The following FBXL20 variants were observed in gnomAD, a reference collection of about 807,000 sequenced individuals.
The protein encoded by FBXL20 is F-box and leucine rich repeat protein 20.
FBXL20 carries 11 observed loss-of-function variants against 64.0 expected under a neutral mutation model. The observed-to-expected ratio is 0.17, with a 90% CI of 0.11 to 0.28. The LOEUF (loss-of-function observed/expected upper bound fraction) is 0.28. Ranked by LOEUF, FBXL20 falls within the 10% of genes least tolerant of loss-of-function variation. The pLI is 1.00. For missense variants in FBXL20, 303 were observed against 526.2 expected, an observed-to-expected ratio of 0.58 and a Z score of 4.15; for synonymous variants, 184 against 189.0, an observed-to-expected ratio of 0.97 and a Z score of 0.22.
At chr17:39,333,795 C>T (rs1465080562) in intron 2 of FBXL20, among the ~76,000 whole-genome samples, 14 of 151,442 alleles carry the variant, frequency 9.2e-5, no homozygotes, top group African/African-American at 3.2e-4. Context: ...TGCCCGGCCG[C>T]GACCCCGTCT....
At position 39,262,704 on chromosome 17, in the gene FBXL20, A is replaced by T. The variant is rs1018473826; in HGVS notation, c.1204-1137T>A. 2.6e-5 allele frequency among the ~76,000 whole-genome samples: 4 copies of T among 151,930 alleles called. No homozygotes were observed. The South Asian group carries it at 6.2e-4, about 24-fold the overall frequency. On this transcript the variant is annotated intron_variant, in intron 14 of 14. Transcript: ENST00000264658. ...ACACACAGATTCATCCAGCTTTTTAAAACTTCTTTTTCGGCCGGGCGCAGT... is the reference window on the plus strand; with the variant it reads ...ACACACAGATTCATCCAGCTTTTTATAACTTCTTTTTCGGCCGGGCGCAGT...
intron 7 of FBXL20, among the ~76,000 whole-genome samples, chr17:39,284,591 G>A (rs1269596335): frequency 6.6e-6 from 1 of 151,662 alleles, no homozygotes; most frequent in African/African-American, 2.4e-5. Context: ...CCTATGTTGC[G>A]CAGGCTGGTC....
intron 1 of FBXL20, among the ~76,000 whole-genome samples, chr17:39,399,575 A>G (rs1213122456): frequency 6.6e-6 from 1 of 152,180 alleles, no homozygotes; most frequent in Admixed American, 6.5e-5. Flanking sequence ...TAGTTTATAA[A>G]CAAACACTTA....
intron 7 of FBXL20, 68 bp from the exon 8 acceptor site, chr17:39,282,923 T>G: frequency 6.4e-7 from 1 of 1,571,234 alleles, no homozygotes; most frequent in Non-Finnish European, 8.7e-7. Context: ...ACGTCTCAAT[T>G]TATTGGCTAT....
intron 1 of FBXL20, among the ~76,000 whole-genome samples, chr17:39,351,909 G>A (rs2047690823): frequency 6.6e-6 from 1 of 152,176 alleles, no homozygotes; most frequent in Non-Finnish European, 1.5e-5. Flanking sequence ...ATAATATACT[G>A]TTGGTTTGTA....
intron 6 of FBXL20, among the ~76,000 whole-genome samples, chr17:39,292,226 T>C (rs1199297539): frequency 1.3e-5 from 2 of 150,648 alleles, no homozygotes; most frequent in Non-Finnish European, 2.9e-5. Context: ...CTTTTTTTCA[T>C]CTAATTTTTT....
chr17:39,286,583 G>A (rs1269815165), intron 6 of FBXL20, among the ~76,000 whole-genome samples: 3 of 152,222 alleles, frequency 2.0e-5, no homozygotes, highest in Admixed American at 2.0e-4. Context: ...TGGATCACCT[G>A]AGGTCAGGAG....
intron 11 of FBXL20, among the ~76,000 whole-genome samples, chr17:39,269,626 G>A (rs1398944541): frequency 6.6e-6 from 1 of 151,542 alleles, no homozygotes; most frequent in Non-Finnish European, 1.5e-5. Flanking sequence ...AGCCTCCCAA[G>A]TAGCTGGGAT....
chr17:39,310,348 T>C (rs1335388829), intron 2 of FBXL20, among the ~76,000 whole-genome samples: 1 of 151,942 alleles, frequency 6.6e-6, no homozygotes, highest in Non-Finnish European at 1.5e-5. Context: ...ATGCAATCCA[T>C]GACGTAGCAT....
intron 2 of FBXL20, among the ~76,000 whole-genome samples, chr17:39,310,153 T>G: frequency 7.4e-6 from 1 of 134,714 alleles, no homozygotes; most frequent in Admixed American, 7.6e-5. Context: ...TCTACAAATT[T>G]AAAAAAAAAA....
At chr17:39,373,679 G>A (rs954090976) in intron 1 of FBXL20, among the ~76,000 whole-genome samples, 2 of 152,092 alleles carry the variant, frequency 1.3e-5, no homozygotes, top group East Asian at 3.9e-4. Context: ...TTATAGTTCT[G>A]TTACAAAGCT....
chr17:39,331,997 T>C (rs2047465828), intron 2 of FBXL20, among the ~76,000 whole-genome samples: 1 of 152,222 alleles, frequency 6.6e-6, no homozygotes, highest in African/African-American at 2.4e-5. Context: ...AATACATGCC[T>C]AACAATTTTA....
chr17:39,363,810 C>CAAAAAAAAAAA (rs71372113), intron 1 of FBXL20, among the ~76,000 whole-genome samples: 1 of 26,674 alleles, frequency 3.7e-5, no homozygotes, highest in African/African-American at 2.4e-4. Flanking sequence ...GACTTTATCT[C>CAAAAAAAAAAA]AAAAAAAAAA....
rs2046667482 is a variant in FBXL20, at chr17:39,253,355, G to C, written c.*8105C>G. On this transcript the variant is annotated 3_prime_UTR_variant, in exon 15 of 15. Coordinates refer to ENST00000264658, the MANE Select transcript of FBXL20 (RefSeq NM_032875.3). ...AGAAGTGCACATGGTAGGTTACCTG[G>C]AAACAATTCCTAGGAGAAAAAAGGA... 1 of 152,412 alleles carries C rather than the reference G, an allele frequency of 6.6e-6. No individual in the cohort carries two copies. The highest frequency in any genetic ancestry group is 1.5e-5 in the Non-Finnish European group (1 of 68,090). The allele number at this position is 152,412 out of a possible 1,614,324, so 9.4% of individuals were successfully genotyped here.
chr17:39,259,040 A>G lies in FBXL20; in HGVS notation c.*2420T>C, dbSNP rs1036866754. On this transcript the variant is annotated 3_prime_UTR_variant, in exon 15 of 15. Coordinates refer to ENST00000264658, the MANE Select transcript of FBXL20 (RefSeq NM_032875.3). Reference sequence around the variant, plus strand: ...TAAAACAGGATTTAAAATAAATTTAATATGATAAATATTAATGGATAGTAT... The same window carrying G: ...TAAAACAGGATTTAAAATAAATTTAGTATGATAAATATTAATGGATAGTAT... 2.0e-5 allele frequency: 3 copies of G among 152,222 alleles called. No individual in the cohort carries two copies. The allele number at this position is 152,222 out of a possible 1,614,324, so 9.4% of individuals were successfully genotyped here.
intron 9 of FBXL20, among the ~76,000 whole-genome samples, chr17:39,278,191 G>A (rs2046916331): frequency 6.6e-6 from 1 of 152,192 alleles, no homozygotes; most frequent in Non-Finnish European, 1.5e-5. Context: ...TGCTGCCCAG[G>A]CTGGAGTGCA....
chr17:39,377,462 T>TG (rs1319826158), intron 1 of FBXL20, among the ~76,000 whole-genome samples: 1 of 152,062 alleles, frequency 6.6e-6, no homozygotes, highest in African/African-American at 2.4e-5. Flanking sequence ...TGGCTCTGCG[T>TG]GAATTATTCT....
chr17:39,318,556 C>G (rs1381254036), intron 2 of FBXL20, among the ~76,000 whole-genome samples: 1 of 152,040 alleles, frequency 6.6e-6, no homozygotes, highest in Non-Finnish European at 1.5e-5. Context: ...GCCTGACGAA[C>G]ATGGAGAAAC....
intron 2 of FBXL20, among the ~76,000 whole-genome samples, chr17:39,304,859 T>C (rs1393428046): frequency 6.6e-6 from 1 of 152,036 alleles, no homozygotes; most frequent in East Asian, 1.9e-4. Context: ...TCGGTTCAAG[T>C]GGTTGTCGTG....
Sources: allele counts gnomAD v4.1 joint callset (sites outside exome capture counted in the v4.1 genomes callset), GRCh38; gene constraint gnomAD v4.1.1; transcripts MANE v1.5; gene names NCBI Gene and HGNC (gene_info 2026-07-23, HGNC 2026-07-21).